Variants in STRN observed in about 807,000 individuals in gnomAD.
STRN encodes striatin, also known as protein phosphatase 2 regulatory subunit B'''alpha.
Under a neutral mutation model 96.3 loss-of-function variants are expected in STRN, and 53 were observed. The observed-to-expected ratio is 0.55, with a 90% CI of 0.44 to 0.69. The LOEUF (loss-of-function observed/expected upper bound fraction) is 0.69, where lower values mean the gene tolerates loss of function less well. STRN is among the 30% of genes least tolerant of loss of function. The pLI is 0.00. For missense variants in STRN, 987 were observed against 963.9 expected (o/e 1.02, Z -0.32); for synonymous variants, 428 against 355.9 (o/e 1.20, Z -2.28).
intron 3 of STRN, among the ~76,000 whole-genome samples, chr2:36,907,343 A>G (rs1669847880): frequency 6.6e-6 from 1 of 152,206 alleles, no homozygotes; most frequent in East Asian, 1.9e-4. Flanking sequence ...AGGTCAGGAG[A>G]CAGACACCAG....
chr2:36,882,199 G>C (rs1669090627), intron 9 of STRN, among the ~76,000 whole-genome samples: 1 of 151,084 alleles, frequency 6.6e-6, no homozygotes, highest in African/African-American at 2.4e-5. Flanking sequence ...AAAAAAACAA[G>C]AAAAAAACAT....
chr2:36,889,809 G>A (rs1316375288), intron 7 of STRN, among the ~76,000 whole-genome samples: 3 of 152,072 alleles, frequency 2.0e-5, no homozygotes, highest in Non-Finnish European at 4.4e-5. Context: ...CCAGGAAACC[G>A]AAAGATTCCA....
At chr2:36,860,153 G>A (rs1668439394) in intron 13 of STRN, among the ~76,000 whole-genome samples, 2 of 152,144 alleles carry the variant, frequency 1.3e-5, no homozygotes, top group Admixed American at 1.3e-4. Context: ...TAATTAAGAT[G>A]CAAGAGAACA....
chr2:36,860,239 T>A (rs1033881069), intron 13 of STRN, among the ~76,000 whole-genome samples: 4 of 152,018 alleles, frequency 2.6e-5, no homozygotes, highest in Admixed American at 6.6e-5. Context: ...CAAAAGAAAC[T>A]AAAATGAATA....
At chr2:36,923,387 G>A (rs1486044683) in intron 2 of STRN, among the ~76,000 whole-genome samples, 1 of 145,616 alleles carries the variant, frequency 6.9e-6, no homozygotes, top group Non-Finnish European at 1.5e-5. Context: ...GAAGGCGGAG[G>A]TTGCAGTAAG....
chr2:36,924,987 C>T (rs1459610801), intron 2 of STRN, 118 bp downstream of exon 2: 17 of 784,254 alleles, frequency 2.2e-5, no homozygotes, highest in Middle Eastern at 3.9e-4. Flanking sequence ...AACCGGGAGG[C>T]GGAGGTCGCG....
At chr2:36,852,123 G>A (rs1288998049) in intron 15 of STRN, among the ~76,000 whole-genome samples, 1 of 152,154 alleles carries the variant, frequency 6.6e-6, no homozygotes, top group Admixed American at 6.5e-5. Context: ...CAACCTGATG[G>A]TTCATGCAGA....
chr2:36,938,055 A>G (rs1670751268), intron 1 of STRN, among the ~76,000 whole-genome samples: 1 of 152,252 alleles, frequency 6.6e-6, no homozygotes, highest in African/African-American at 2.4e-5. Flanking sequence ...TTTGAATTTT[A>G]AAGTATTTTG....
At chr2:36,933,651 T>C (rs1670629270) in intron 1 of STRN, among the ~76,000 whole-genome samples, 7 of 152,052 alleles carry the variant, frequency 4.6e-5, no homozygotes, top group Admixed American at 1.3e-4. Flanking sequence ...TGAGACAGGG[T>C]TGGAGTGCAA....
intron 10 of STRN, among the ~76,000 whole-genome samples, chr2:36,871,400 T>TTACCATTG (rs1221090091): frequency 6.6e-6 from 1 of 152,204 alleles, no homozygotes; most frequent in African/African-American, 2.4e-5. Flanking sequence ...GTTTAGATAC[T>TTACCATTG]TACCATTGTG....
At chr2:36,864,764 T>A (rs562757597) in intron 12 of STRN, among the ~76,000 whole-genome samples, 2 of 152,308 alleles carry the variant, frequency 1.3e-5, no homozygotes, top group African/African-American at 4.8e-5. Flanking sequence ...CAGGCTGGAA[T>A]GCAATGGGTG....
chr2:36,842,059 AATT>A lies in STRN; in HGVS notation c.*7394_*7396del, dbSNP rs1422606671. 1 of 152,208 alleles carries A rather than the reference AATT, an allele frequency of 6.6e-6. No homozygotes were observed. Among genetic ancestry groups the A allele is most frequent in the Non-Finnish European group, 1.5e-5 (1 of 68,040 alleles). The allele number at this position is 152,208 out of a possible 1,614,324, so 9.4% of individuals were successfully genotyped here. On this transcript the variant is annotated 3_prime_UTR_variant, in exon 18 of 18. Coordinates refer to ENST00000263918, the MANE Select transcript of STRN (RefSeq NM_003162.4). ...AAGTTAATTTTGTTTATGCATGAAA[AATT>A]ATTGTCTTGGTCCCATTTCCAAAGG...
intron 1 of STRN, among the ~76,000 whole-genome samples, chr2:36,954,076 A>T (rs1178332003): frequency 3.3e-5 from 5 of 152,208 alleles, no homozygotes; most frequent in Non-Finnish European, 7.3e-5. Flanking sequence ...CATAAAAATT[A>T]AAAATAACCT....
At chr2:36,957,742 GTCT>G (rs1664925664) in intron 1 of STRN, among the ~76,000 whole-genome samples, 1 of 103,132 alleles carries the variant, frequency 9.7e-6, no homozygotes, top group Non-Finnish European at 1.9e-5. Flanking sequence ...TCTTCTTTTT[GTCT>G]TTTTTTTTTT....
intron 14 of STRN, among the ~76,000 whole-genome samples, chr2:36,857,157 C>T (rs530451418): frequency 6.6e-6 from 1 of 151,058 alleles, no homozygotes; most frequent in Non-Finnish European, 1.5e-5. Context: ...AAATTCCTGG[C>T]CTCTCGTGAT....
In STRN at chr2:36,957,744, C is replaced by CTTTTTTT. The variant is rs1159531782; in HGVS notation, c.234+8479_234+8485dup. Among the ~76,000 whole-genome samples the CTTTTTTT allele has an allele frequency of 1.6e-3, 143 of 89,188 alleles. 11 individuals carry two copies. Among genetic ancestry groups the CTTTTTTT allele is most frequent in the East Asian group, 3.3e-3 (6 of 1,796 alleles). 58.5% of individuals were successfully genotyped at this position (89,188 alleles called of 152,430 possible). On this transcript the variant is annotated intron_variant, in intron 1 of 17. Coordinates refer to ENST00000263918, the MANE Select transcript of STRN (RefSeq NM_003162.4). ...TTAGTCTCATAGTTCTTCTTTTTGT[C>CTTTTTTT]TTTTTTTTTTTTTTTTTTTTTTTTT...
rs1667996103 is a variant in STRN, at chr2:36,843,523, C to A, written c.*5933G>T. Reference sequence around the variant, plus strand: ...AACATATGTGTCTCTGAAAGTACCACTGACCCAATCCTAGAAGCTATTTTA... The same window carrying A: ...AACATATGTGTCTCTGAAAGTACCAATGACCCAATCCTAGAAGCTATTTTA... On this transcript the variant is annotated 3_prime_UTR_variant, in exon 18 of 18. Transcript: ENST00000263918. The A allele has an allele frequency of 6.6e-6, 1 of 152,146 alleles. No individual in the cohort carries two copies. Among genetic ancestry groups the A allele is most frequent in the Non-Finnish European group, 1.5e-5 (1 of 68,008 alleles). The allele number at this position is 152,146 out of a possible 1,614,324, so 9.4% of individuals were successfully genotyped here.
intron 2 of STRN, 137 bp downstream of exon 2, chr2:36,924,968 A>C (rs1000335575): frequency 1.5e-5 from 10 of 653,802 alleles, no homozygotes; most frequent in Non-Finnish European, 2.4e-5. Context: ...AGGCAGGAGA[A>C]TTGCTTGAAA....
intron 1 of STRN, among the ~76,000 whole-genome samples, chr2:36,933,668 G>C (rs556287305): frequency 4.6e-5 from 7 of 152,144 alleles, no homozygotes; most frequent in Non-Finnish European, 7.4e-5. Context: ...GCAATGGCAC[G>C]ATCACAGCTC....
Sources: gnomAD v4.1 joint callset for allele counts (sites outside exome capture counted in the v4.1 genomes callset) on GRCh38, gnomAD v4.1.1 for gene constraint, MANE v1.5 for transcripts, NCBI Gene and HGNC (gene_info 2026-07-23, HGNC 2026-07-21) for gene names.